The following CSMD2 variants were observed in gnomAD, a reference collection of about 807,000 sequenced individuals.
CSMD2 encodes CUB and Sushi multiple domains 2, also known as CUB and sushi domain-containing protein 2.
Under a neutral mutation model 398.5 loss-of-function variants are expected in CSMD2, and 130 were observed. The ratio of observed to expected loss-of-function variants is 0.33; its 90% CI spans 0.28 to 0.38. The LOEUF (loss-of-function observed/expected upper bound fraction) is 0.38. CSMD2 is among the 10% of genes least tolerant of loss of function. The pLI, the probability that CSMD2 is intolerant of heterozygous loss-of-function variation, is 1.00. For synonymous variants in CSMD2, 1,828 were observed against 1,908.5 expected (o/e 0.96, Z 1.10); for missense variants, 3,829 against 4,764.9 (o/e 0.80, Z 5.78).
chr1:33,692,111 C>T (rs993350648), intron 25 of CSMD2, among the ~76,000 whole-genome samples: 6 of 152,090 alleles, frequency 3.9e-5, no homozygotes, highest in African/African-American at 1.4e-4. Flanking sequence ...TACAATAATG[C>T]CTATTTGTTA....
intron 10 of CSMD2, among the ~76,000 whole-genome samples, chr1:33,793,148 T>G (rs1654526587): frequency 1.3e-5 from 2 of 152,052 alleles, no homozygotes; most frequent in African/African-American, 4.8e-5. Context: ...GAGATAGAAA[T>G]GCAAACTGAT....
intron 46 of CSMD2, among the ~76,000 whole-genome samples, chr1:33,585,110 T>C (rs1159817387): frequency 1.3e-5 from 2 of 152,220 alleles, no homozygotes; most frequent in Admixed American, 6.5e-5. Context: ...CTTCAGTACA[T>C]TGTTCTTTCA....
At chr1:34,030,612 GT>G in intron 3 of CSMD2, among the ~76,000 whole-genome samples, 1 of 152,158 alleles carries the variant, frequency 6.6e-6, no homozygotes, top group Non-Finnish European at 1.5e-5. Flanking sequence ...TGATTTCCAG[GT>G]GACAGTGTCT....
chr1:34,095,603 A>G (rs1385985924), intron 1 of CSMD2, among the ~76,000 whole-genome samples: 1 of 152,072 alleles, frequency 6.6e-6, no homozygotes, highest in Non-Finnish European at 1.5e-5. Flanking sequence ...ACAGAAATGC[A>G]AACTACCATC....
At chr1:33,994,061 T>C (rs1646648547) in intron 3 of CSMD2, among the ~76,000 whole-genome samples, 1 of 152,140 alleles carries the variant, frequency 6.6e-6, no homozygotes, top group Admixed American at 6.5e-5. Flanking sequence ...GACTCCAGGA[T>C]GTGTGAATTA....
intron 1 of CSMD2, among the ~76,000 whole-genome samples, chr1:34,101,677 G>C (rs1484959588): frequency 6.6e-6 from 1 of 151,832 alleles, no homozygotes; most frequent in Non-Finnish European, 1.5e-5. Flanking sequence ...TCTTCTTTTT[G>C]GAACTAGCTG....
rs1215932296 is a variant in CSMD2, at chr1:33,580,991, T to C, written c.7241-92A>G. 3.9e-6 allele frequency: 5 copies of C among 1,298,020 alleles called. No individual in the cohort carries two copies. The East Asian group carries it at 1.2e-4, about 31-fold the overall frequency. The allele number at this position is 1,298,020 out of a possible 1,614,324, so 80.4% of individuals were successfully genotyped here. A position where few individuals can be genotyped will look rare whatever the true frequency, so the allele number is the denominator to read the frequency against. ...TCAGGGCTCAGAGGGTGGGGTGACT[T>C]GTTCAGAGTCAGCAAAATCATTTGT... On this transcript the variant is annotated intron_variant, in intron 47 of 70. Transcript: ENST00000373381.
intron 12 of CSMD2, among the ~76,000 whole-genome samples, chr1:33,787,063 G>T (rs1653621442): frequency 6.6e-6 from 1 of 152,236 alleles, no homozygotes; most frequent in African/African-American, 2.4e-5. Context: ...GAAGAGGACA[G>T]AGAGACACAC....
chr1:33,927,265 C>T (rs1644159384), intron 4 of CSMD2, among the ~76,000 whole-genome samples: 1 of 152,182 alleles, frequency 6.6e-6, no homozygotes, highest in South Asian at 2.1e-4. Context: ...CCCATTTATC[C>T]TTGGCTTTAT....
intron 5 of CSMD2, chr1:33,864,509 C>T (rs1339652969): frequency 6.2e-7 from 1 of 1,614,122 alleles, no homozygotes. Flanking sequence ...TCTGCCAAGA[C>T]CACTATGCTC....
At chr1:33,536,171 C>T (rs962175929) in intron 62 of CSMD2, among the ~76,000 whole-genome samples, 4 of 152,152 alleles carry the variant, frequency 2.6e-5, no homozygotes, top group African/African-American at 9.7e-5. Context: ...CTGGGCAAGT[C>T]CTGGACTCCA....
chr1:33,519,737 G>A lies in CSMD2; in HGVS notation c.10737-60C>T, dbSNP rs914697607. 1 of 1,613,148 alleles carries A rather than the reference G, an allele frequency of 6.2e-7. No individual in the cohort carries two copies. The highest frequency in any genetic ancestry group is 8.5e-7 in the Non-Finnish European group (1 of 1,179,246). ...AAGAGCGACACAGAGAGGCTTAGGG[G>A]TCTGGTGCGGGGGGCCCTGGAGGGA... On this transcript the variant is annotated intron_variant, in intron 69 of 70. Transcript: ENST00000373381. This position sits in a 1 kb window ranked among gnomAD's most constrained non-coding sequence, Gnocchi z 5.6.
chr1:34,158,378 G>C (rs922432078), intron 1 of CSMD2, among the ~76,000 whole-genome samples: 2 of 152,228 alleles, frequency 1.3e-5, no homozygotes, highest in Admixed American at 1.3e-4. Context: ...AGCAGATGGA[G>C]AGGAGGGGTG....
intron 3 of CSMD2, among the ~76,000 whole-genome samples, chr1:33,959,918 G>A (rs181936812): frequency 1.8e-4 from 27 of 152,262 alleles, no homozygotes; most frequent in Admixed American, 3.3e-4. Flanking sequence ...CAAGGGCAGC[G>A]GCTTTGTTGC....
intron 3 of CSMD2, among the ~76,000 whole-genome samples, chr1:33,941,960 C>T (rs1168836839): frequency 6.6e-6 from 1 of 152,116 alleles, no homozygotes; most frequent in African/African-American, 2.4e-5. Flanking sequence ...TCTCACCTTG[C>T]TACAGTGTAA....
intron 5 of CSMD2, among the ~76,000 whole-genome samples, chr1:33,901,274 A>G (rs1381272001): frequency 6.6e-6 from 1 of 152,208 alleles, no homozygotes; most frequent in African/African-American, 2.4e-5. Context: ...GCCAAGTGCC[A>G]TATGCTTTTC....
At chr1:33,804,360 G>C (rs1655973761) in intron 10 of CSMD2, among the ~76,000 whole-genome samples, 1 of 152,108 alleles carries the variant, frequency 6.6e-6, no homozygotes, top group African/African-American at 2.4e-5. Context: ...AGTTCTAAGG[G>C]GCTATTCCAA....
At chr1:33,993,682 T>C (rs967746843) in intron 3 of CSMD2, among the ~76,000 whole-genome samples, 3 of 152,222 alleles carry the variant, frequency 2.0e-5, no homozygotes, top group Non-Finnish European at 4.4e-5. Context: ...ATGTCTCTCA[T>C]AATTCATAAC....
intron 55 of CSMD2, 110 bp downstream of exon 55, chr1:33,557,624 A>G: frequency 3.2e-6 from 1 of 315,700 alleles, no homozygotes; most frequent in South Asian, 4.4e-5. Flanking sequence ...GCAGACACAC[A>G]CACACACACA....
Sources: allele counts gnomAD v4.1 joint callset (sites outside exome capture counted in the v4.1 genomes callset), GRCh38; gene constraint gnomAD v4.1.1; non-coding constraint Gnocchi (gnomAD v3.1); transcripts MANE v1.5; gene names NCBI Gene and HGNC (gene_info 2026-07-23, HGNC 2026-07-21).